The following CLVS1 variants were observed in gnomAD, a reference collection of about 807,000 sequenced individuals.
CLVS1 encodes clavesin 1.
Under a neutral mutation model 33.1 loss-of-function variants are expected in CLVS1, and 10 were observed. The observed-to-expected ratio is 0.30, with a 90% CI of 0.19 to 0.51. The LOEUF (loss-of-function observed/expected upper bound fraction) is 0.51. Ranked by LOEUF, CLVS1 falls within the 20% of genes least tolerant of loss-of-function variation. CLVS1 has a pLI of 0.97. For synonymous variants in CLVS1, 163 were observed against 166.1 expected (o/e 0.98, Z 0.14); for missense variants, 343 against 433.4 (o/e 0.79, Z 1.85).
At chr8:61,130,240 A>AAAATAAAT (rs78418007) in intron 1 of CLVS1, among the ~76,000 whole-genome samples, 17,065 of 139,934 alleles carry the variant, frequency 0.12, 1,108 homozygotes, top group Admixed American at 0.16. Context: ...TCTGTCTCAA[A>AAAATAAAT]AAATAAATAA....
the CLVS1 span, among the ~76,000 whole-genome samples, chr8:60,976,475 A>G: frequency 6.6e-6 from 1 of 151,964 alleles, no homozygotes; most frequent in Non-Finnish European, 1.5e-5. Flanking sequence ...TTCCTGCCTC[A>G]GCCTCCTGAG....
intron 2 of CLVS1, among the ~76,000 whole-genome samples, chr8:61,354,282 T>C (rs1182065166): frequency 1.3e-5 from 2 of 151,996 alleles, no homozygotes; most frequent in African/African-American, 4.8e-5. Context: ...CCTACCAGAA[T>C]ACCTAAAATA....
intron 4 of CLVS1, among the ~76,000 whole-genome samples, chr8:61,456,772 G>A (rs1360517194): frequency 5.3e-5 from 8 of 151,994 alleles, no homozygotes; most frequent in Non-Finnish European, 1.0e-4. Flanking sequence ...AAAAAAATTA[G>A]CTGGGCGTGG....
At chr8:61,306,192 C>T (rs1238435555) in intron 2 of CLVS1, among the ~76,000 whole-genome samples, 1 of 152,116 alleles carries the variant, frequency 6.6e-6, no homozygotes, top group Non-Finnish European at 1.5e-5. Context: ...ACAACTTCAC[C>T]ATCATCTGTT....
At chr8:61,166,480 CT>C (rs564697084) in intron 2 of CLVS1, among the ~76,000 whole-genome samples, 97 of 152,078 alleles carry the variant, frequency 6.4e-4, no homozygotes, top group African/African-American at 2.0e-3. Flanking sequence ...TTGTTTCAGC[CT>C]TATGTCATTT....
chr8:61,195,456 T>C (rs943625863), intron 2 of CLVS1, among the ~76,000 whole-genome samples: 1 of 152,046 alleles, frequency 6.6e-6, no homozygotes, highest in Non-Finnish European at 1.5e-5. Flanking sequence ...GTACTTATCA[T>C]GTAAAACAAA....
At chr8:61,084,522 G>C (rs1320123496) in intron 1 of CLVS1, among the ~76,000 whole-genome samples, 2 of 152,170 alleles carry the variant, frequency 1.3e-5, no homozygotes, top group South Asian at 4.1e-4. Flanking sequence ...TAAACATCCT[G>C]CAAGGCACAG....
intron 2 of CLVS1, among the ~76,000 whole-genome samples, chr8:61,322,371 T>C (rs1188192502): frequency 6.6e-6 from 1 of 152,156 alleles, no homozygotes; most frequent in Non-Finnish European, 1.5e-5. Flanking sequence ...AAAGTGCACA[T>C]TGACTATAAA....
chr8:61,253,463 G>C (rs1808997119), intron 2 of CLVS1, among the ~76,000 whole-genome samples: 1 of 152,094 alleles, frequency 6.6e-6, no homozygotes, highest in South Asian at 2.1e-4. Context: ...TTTGAATGTT[G>C]GCCTGCCTTT....
At chr8:61,204,740 A>C (rs1253120782) in intron 2 of CLVS1, among the ~76,000 whole-genome samples, 1 of 152,240 alleles carries the variant, frequency 6.6e-6, no homozygotes, top group Admixed American at 6.5e-5. Flanking sequence ...AAGCTCTCAC[A>C]GGTCAGGTTA....
intron 2 of CLVS1, among the ~76,000 whole-genome samples, chr8:61,195,383 T>C (rs1319589301): frequency 6.6e-6 from 1 of 152,038 alleles, no homozygotes; most frequent in East Asian, 1.9e-4. Flanking sequence ...CTCCCACTTT[T>C]AAAAGTTATT....
chr8:60,966,630 C>T, the CLVS1 span: 9 of 218,360 alleles, frequency 4.1e-5, 1 homozygote, highest in South Asian at 5.1e-4. Flanking sequence ...AGGTACCCAT[C>T]ATTTGGGGAA....
At chr8:61,289,574 C>T (rs556691478) in intron 1 of CLVS1, among the ~76,000 whole-genome samples, 16 of 152,198 alleles carry the variant, frequency 1.1e-4, no homozygotes, top group South Asian at 2.1e-4. Flanking sequence ...TAATTAAAAA[C>T]GAGATTATTT....
intron 2 of CLVS1, among the ~76,000 whole-genome samples, chr8:61,348,707 T>C (rs1812329602): frequency 6.6e-6 from 1 of 152,062 alleles, no homozygotes. Context: ...CTCTTCGACA[T>C]ACTGATTTCA....
rs57853575 is a variant in CLVS1 at position 61,250,676 on chromosome 8, G to C, written c.-151-49001G>C. On this transcript the variant is annotated intron_variant, in intron 2 of 2. Coordinates refer to the CLVS1 transcript ENST00000522621. ...TCCTAGGTATTTTATTCTCTTAATA[G>C]CAATTGTGAATGGGAATTCACTCAT... Among the ~76,000 whole-genome samples the C allele has an allele frequency of 6.6e-3, 987 of 150,154 alleles. 13 individuals carry two copies. The highest frequency in any genetic ancestry group is 0.022 in the African/African-American group (922 of 41,364).
intron 5 of CLVS1, among the ~76,000 whole-genome samples, chr8:61,481,358 G>T (rs1031340655): frequency 6.6e-6 from 1 of 152,166 alleles, no homozygotes; most frequent in Non-Finnish European, 1.5e-5. Context: ...TCTCACTGGG[G>T]CTTGTCAGAC....
chr8:61,263,173 G>A (rs1355095585), intron 2 of CLVS1, among the ~76,000 whole-genome samples: 1 of 152,124 alleles, frequency 6.6e-6, no homozygotes, highest in African/African-American at 2.4e-5. Flanking sequence ...ACCTCTCCAT[G>A]TTTACAATAA....
At chr8:61,451,166 TA>T (rs1361339260) in intron 3 of CLVS1, among the ~76,000 whole-genome samples, 5 of 150,824 alleles carry the variant, frequency 3.3e-5, no homozygotes, top group South Asian at 2.1e-4. Context: ...TTAAAATGAT[TA>T]AAAAAAAAGC....
chr8:61,087,464 T>TC lies in CLVS1; in HGVS notation c.-243+30240dup, dbSNP rs1470160935. The stretch of plus-strand genomic sequence containing the variant: ...GTGAGGTCATTCTGTTTCTTTCCTC[T>TC]CCCCCCTCCTCATGCTCCAACTCAG... On this transcript the variant is annotated intron_variant, in intron 1 of 2. Transcript: ENST00000522621. 3.9e-5 allele frequency among the ~76,000 whole-genome samples: 6 copies of TC among 151,990 alleles called. No individual in the cohort carries two copies. The East Asian group carries it at 5.8e-4, about 15-fold the overall frequency.
Sources: gnomAD v4.1 joint callset for allele counts (sites outside exome capture counted in the v4.1 genomes callset) on GRCh38, gnomAD v4.1.1 for gene constraint, MANE v1.5 for transcripts, NCBI Gene and HGNC (gene_info 2026-07-23, HGNC 2026-07-21) for gene names.